The following SRSF11 variants were observed in gnomAD, a reference collection of about 807,000 sequenced individuals.
SRSF11 encodes serine/arginine-rich splicing factor 11.
A neutral mutation model predicts 56.0 loss-of-function variants in SRSF11; 9 were observed. The ratio of observed to expected loss-of-function variants is 0.16; its 90% CI spans 0.10 to 0.28. The LOEUF is 0.28. Ranked by LOEUF, SRSF11 falls within the 10% of genes least tolerant of loss-of-function variation. The pLI is 1.00. For synonymous variants in SRSF11, 222 were observed against 215.3 expected (o/e 1.03, Z -0.27); for missense variants, 421 against 600.7 (o/e 0.70, Z 3.13).
At chr1:70,208,325 GGTGTGTGTGT>G (rs112343589) in intron 1 of SRSF11, among the ~76,000 whole-genome samples, 1 of 148,664 alleles carries the variant, frequency 6.7e-6, no homozygotes, top group Non-Finnish European at 1.5e-5. Flanking sequence ...TACAGTGTAT[GGTGTGTGTGT>G]GTGTGTGTGT....
At chr1:70,232,874 T>C (rs889895782) in intron 3 of SRSF11, among the ~76,000 whole-genome samples, 5 of 152,220 alleles carry the variant, frequency 3.3e-5, no homozygotes, top group African/African-American at 1.2e-4. Context: ...ATAGTGTTTC[T>C]AACACTGACA....
intron 1 of SRSF11, among the ~76,000 whole-genome samples, chr1:70,206,696 A>G (rs1413153712): frequency 1.3e-5 from 2 of 152,146 alleles, no homozygotes; most frequent in East Asian, 1.9e-4. Flanking sequence ...GTTGAAAGCT[A>G]GGATGAAGGC....
chr1:70,237,873 A>C (rs893680486), intron 6 of SRSF11, among the ~76,000 whole-genome samples: 9 of 152,066 alleles, frequency 5.9e-5, no homozygotes, highest in Non-Finnish European at 8.8e-5. Context: ...TGTTTTTCTT[A>C]TTATTTATGT....
At chr1:70,250,282 A>G in intron 10 of SRSF11, 83 bp from the exon 11 acceptor site, 1 of 1,562,308 alleles carries the variant, frequency 6.4e-7, no homozygotes, top group African/African-American at 1.4e-5. Context: ...TCTTTGCTGT[A>G]CTACTTATAT....
chr1:70,245,466 G>A (rs1676537339), intron 8 of SRSF11, among the ~76,000 whole-genome samples: 1 of 152,168 alleles, frequency 6.6e-6, no homozygotes, highest in African/African-American at 2.4e-5. Context: ...CTTATGTGCT[G>A]CAGAGTGAAT....
chr1:70,221,940 G>A lies in SRSF11; in HGVS notation c.203+101G>A, dbSNP rs531483310. The A allele has an allele frequency of 3.3e-6, 5 of 1,509,072 alleles. No homozygotes were observed. The East Asian group carries it at 9.5e-5, about 29-fold the overall frequency. 93.5% of individuals were successfully genotyped at this position (1,509,072 alleles called of 1,614,324 possible). A position where few individuals can be genotyped will look rare whatever the true frequency, so the allele number is the denominator to read the frequency against. Reference sequence around the variant, plus strand: ...CCCTGTCGCTGCTTCCCCGGGCCAGGCTGCTTGAGTGGCTGGTGGCTGGTG... The same window carrying A: ...CCCTGTCGCTGCTTCCCCGGGCCAGACTGCTTGAGTGGCTGGTGGCTGGTG... On this transcript the variant is annotated intron_variant, in intron 1 of 11. Coordinates refer to ENST00000370949, the MANE Select transcript of SRSF11 (RefSeq NM_001350605.2).
Position 70,221,483 on chromosome 1 carries a change from ACGG to A in SRSF11, c.-137_-135del, listed in dbSNP as rs532180578. The A allele has an allele frequency of 5.2e-4, 584 of 1,122,664 alleles. No individual in the cohort carries two copies. The highest frequency in any genetic ancestry group is 6.1e-4 in the Non-Finnish European group (488 of 798,718). The allele number at this position is 1,122,664 out of a possible 1,614,324, so 69.5% of individuals were successfully genotyped here. ...CCGCGGCGTGCGGCGGGGCGGAGAAACGGCGGCGGCGGCGGCGGCATCGGCAGC... is the reference window on the plus strand; with the variant it reads ...CCGCGGCGTGCGGCGGGGCGGAGAAACGGCGGCGGCGGCGGCATCGGCAGC... On this transcript the variant is annotated 5_prime_UTR_variant, in exon 1 of 12. Coordinates refer to ENST00000370949, the MANE Select transcript of SRSF11 (RefSeq NM_001350605.2).
upstream of SRSF11, among the ~76,000 whole-genome samples, chr1:70,217,345 G>T (rs1324877428): frequency 2.0e-5 from 3 of 151,894 alleles, no homozygotes; most frequent in Non-Finnish European, 4.4e-5. Flanking sequence ...TTTAGTAGAG[G>T]CAGGGTTTCT....
At chr1:70,229,092 A>C (rs1234420323) in intron 2 of SRSF11, 4 of 1,140,984 alleles carry the variant, frequency 3.5e-6, no homozygotes, top group African/African-American at 1.6e-5. Context: ...TTAGGTGCCA[A>C]ATGGGCACTG....
intron 2 of SRSF11, chr1:70,231,081 G>A: frequency 7.8e-7 from 1 of 1,289,242 alleles, no homozygotes; most frequent in Non-Finnish European, 1.0e-6. Flanking sequence ...CTTTTTTGTT[G>A]TTGTGTTTTA....
chr1:70,220,333 CACT>C (rs560352205), upstream of SRSF11, among the ~76,000 whole-genome samples: 97 of 152,182 alleles, frequency 6.4e-4, no homozygotes, highest in African/African-American at 2.3e-3. Context: ...ATGTTTGGGG[CACT>C]ACAAGTCACT....
chr1:70,235,247 G>C (rs1673701972), intron 4 of SRSF11, among the ~76,000 whole-genome samples: 1 of 152,048 alleles, frequency 6.6e-6, no homozygotes, highest in South Asian at 2.1e-4. Flanking sequence ...TACCTAGACT[G>C]TTCAGCCTCA....
At position 70,221,802 on chromosome 1, in the gene SRSF11, C is replaced by G. The variant is rs773573937; in HGVS notation, c.166C>G (p.Leu56Val). 2 of 1,614,100 alleles carry G rather than the reference C, an allele frequency of 1.2e-6. No individual in the cohort carries two copies. Among genetic ancestry groups the G allele is most frequent in the Non-Finnish European group, 1.7e-6 (2 of 1,180,012 alleles). ...GCAGATGCGGACTCTCTTCGGTTTC[C>G]TAGGCAAGATCGACGAACTGCGCCT... ...SEQMRTLFGFLGKIDELRLFP... is the reference protein window; with the variant it reads ...SEQMRTLFGFVGKIDELRLFP... Residue 56 changes from leucine to valine, a missense_variant, in exon 1 of 12, where the codon CTA becomes GTA. Physicochemically the swap from Leu to Val is conservative, Grantham distance 32. Transcript: ENST00000370949.
chr1:70,209,514 A>G (rs1448913497), intron 1 of SRSF11, among the ~76,000 whole-genome samples: 1 of 152,132 alleles, frequency 6.6e-6, no homozygotes, highest in East Asian at 1.9e-4. Flanking sequence ...AGTTTTCTTT[A>G]AAAATTTAGA....
At chr1:70,242,165 T>TA (rs369129508) in intron 7 of SRSF11, among the ~76,000 whole-genome samples, 27,496 of 135,798 alleles carry the variant, frequency 0.2, 2,848 homozygotes, top group South Asian at 0.39. Context: ...GACTCCGTCT[T>TA]AAAAAAAAAA....
intron 9 of SRSF11, among the ~76,000 whole-genome samples, chr1:70,247,690 A>G (rs1677069844): frequency 6.6e-6 from 1 of 152,190 alleles, no homozygotes; most frequent in Non-Finnish European, 1.5e-5. Flanking sequence ...CAACAGAAGA[A>G]AAGAAAATTT....
intron 1 of SRSF11, among the ~76,000 whole-genome samples, chr1:70,223,040 A>G (rs1018274544): frequency 6.6e-6 from 1 of 152,162 alleles, no homozygotes; most frequent in Non-Finnish European, 1.5e-5. Flanking sequence ...TATTCCTGTT[A>G]TTTTGACAGA....
At chr1:70,206,196 G>T (rs180941527) in intron 1 of SRSF11, among the ~76,000 whole-genome samples, 1 of 152,188 alleles carries the variant, frequency 6.6e-6, no homozygotes, top group Admixed American at 6.5e-5. Flanking sequence ...CTGTGTATCA[G>T]ACAGTTTAGG....
intron 1 of SRSF11, among the ~76,000 whole-genome samples, chr1:70,224,895 A>T (rs1457880083): frequency 6.6e-6 from 1 of 152,180 alleles, no homozygotes; most frequent in East Asian, 1.9e-4. Flanking sequence ...ATTGTGTGTG[A>T]GTTGCTTTCT....
Sources: allele counts gnomAD v4.1 joint callset (sites outside exome capture counted in the v4.1 genomes callset), GRCh38; gene constraint gnomAD v4.1.1; transcripts MANE v1.5; gene names NCBI Gene and HGNC (gene_info 2026-07-23, HGNC 2026-07-21).